The following NRF1 variants were observed in gnomAD, a reference collection of about 807,000 sequenced individuals.
The protein encoded by NRF1 is nuclear respiratory factor 1.
Under a neutral mutation model 58.5 loss-of-function variants are expected in NRF1, and 5 were observed. The observed-to-expected ratio is 0.09, with a 90% CI of 0.04 to 0.18. The LOEUF (loss-of-function observed/expected upper bound fraction) is 0.18. NRF1 is among the 10% of genes least tolerant of loss of function. NRF1 has a pLI of 1.00. For missense variants in NRF1, 288 were observed against 657.7 expected (o/e 0.44, Z 6.15); for synonymous variants, 224 against 246.7 (o/e 0.91, Z 0.86).
intron 5 of NRF1, among the ~76,000 whole-genome samples, chr7:129,704,049 A>AC (rs1296873835): frequency 3.5e-5 from 4 of 114,922 alleles, no homozygotes; most frequent in East Asian, 2.5e-4. Flanking sequence ...ACATCCCCCC[A>AC]CCCCCCGTTT....
Position 129,677,398 on chromosome 7 carries a change from C to A in NRF1, c.339-234C>A, listed in dbSNP as rs573523204. ...AATGATACCATGTTCAAAATTGTGT[C>A]ATGGCTATGTCCCAAAGCAAAACCT... On this transcript the variant is annotated intron_variant, in intron 3 of 10. Coordinates refer to ENST00000393232, the MANE Select transcript of NRF1 (RefSeq NM_005011.5). 1.7e-4 allele frequency among the ~76,000 whole-genome samples: 26 copies of A among 152,274 alleles called. No homozygotes were observed. The East Asian group carries it at 3.5e-3, about 20-fold the overall frequency.
At chr7:129,692,845 T>C (rs1802602957) in intron 5 of NRF1, among the ~76,000 whole-genome samples, 1 of 152,210 alleles carries the variant, frequency 6.6e-6, no homozygotes, top group Admixed American at 6.5e-5. Context: ...CCCAGATGAT[T>C]GCATGATGGA....
chr7:129,643,727 C>G (rs1184547898), intron 1 of NRF1, among the ~76,000 whole-genome samples: 1 of 152,204 alleles, frequency 6.6e-6, no homozygotes, highest in African/African-American at 2.4e-5. Context: ...CACTAGGCAC[C>G]TACTTCATTC....
At chr7:129,692,616 A>G (rs1261814871) in intron 5 of NRF1, among the ~76,000 whole-genome samples, 2 of 152,190 alleles carry the variant, frequency 1.3e-5, no homozygotes, top group East Asian at 1.9e-4. Context: ...AATTCAGGCC[A>G]TATCACTTCC....
intron 1 of NRF1, among the ~76,000 whole-genome samples, chr7:129,647,469 C>A (rs1801436091): frequency 6.8e-6 from 1 of 146,738 alleles, no homozygotes; most frequent in Non-Finnish European, 1.5e-5. Flanking sequence ...GTGGTGCGAT[C>A]TTTGCTCACT....
At chr7:129,747,727 T>A (rs1804013382) in intron 10 of NRF1, among the ~76,000 whole-genome samples, 1 of 152,146 alleles carries the variant, frequency 6.6e-6, no homozygotes. Flanking sequence ...TGGGAAGCCT[T>A]TAATGGAAAT....
chr7:129,708,300 G>T (rs1802997617), intron 5 of NRF1, among the ~76,000 whole-genome samples: 1 of 152,202 alleles, frequency 6.6e-6, no homozygotes, highest in Admixed American at 6.5e-5. Flanking sequence ...ACAGAGTGTG[G>T]TTACTATGCC....
intron 1 of NRF1, among the ~76,000 whole-genome samples, chr7:129,612,350 G>C (rs1415566286): frequency 6.6e-6 from 1 of 152,040 alleles, no homozygotes. Context: ...GGGAGCCGCT[G>C]TCTCCTGCGG....
chr7:129,675,052 G>GT (rs1220903087), intron 3 of NRF1, among the ~76,000 whole-genome samples: 1 of 152,136 alleles, frequency 6.6e-6, no homozygotes, highest in African/African-American at 2.4e-5. Flanking sequence ...TTCAGTTTGT[G>GT]TAATATTCTA....
intron 6 of NRF1, among the ~76,000 whole-genome samples, chr7:129,709,620 A>T (rs1358510002): frequency 6.6e-6 from 1 of 152,184 alleles, no homozygotes; most frequent in Admixed American, 6.5e-5. Context: ...AGGGATATGA[A>T]GTCTGCCAGC....
chr7:129,740,798 G>C (rs1053960581), intron 10 of NRF1, among the ~76,000 whole-genome samples: 1 of 152,140 alleles, frequency 6.6e-6, no homozygotes. Context: ...GTGGCCTCGG[G>C]CATTCATCGT....
intron 9 of NRF1, among the ~76,000 whole-genome samples, chr7:129,720,494 G>A (rs931275097): frequency 1.3e-5 from 2 of 152,192 alleles, no homozygotes; most frequent in Non-Finnish European, 2.9e-5. Flanking sequence ...TGATGACAAA[G>A]CAGTTTCATA....
chr7:129,655,550 G>A (rs558008410), intron 1 of NRF1, among the ~76,000 whole-genome samples: 18 of 150,264 alleles, frequency 1.2e-4, no homozygotes, highest in East Asian at 3.9e-4. Context: ...GAGTCCCGCC[G>A]TTGCTGTGTC....
intron 4 of NRF1, among the ~76,000 whole-genome samples, chr7:129,683,270 A>C (rs1309857412): frequency 6.6e-6 from 1 of 150,536 alleles, no homozygotes; most frequent in East Asian, 2.0e-4. Flanking sequence ...ACAAGAAAAA[A>C]ATTTCAATCA....
chr7:129,738,409 T>G (rs1803771828), intron 10 of NRF1, among the ~76,000 whole-genome samples: 1 of 152,204 alleles, frequency 6.6e-6, no homozygotes, highest in Non-Finnish European at 1.5e-5. Context: ...TGTCTCTTAG[T>G]GTCTTCCACA....
rs113398004 is a variant in NRF1, at chr7:129,708,887, T to C, written c.607-188T>C. Among the ~76,000 whole-genome samples the C allele has an allele frequency of 9.6e-3, 1,467 of 152,322 alleles. 16 individuals carry two copies. The highest frequency in any genetic ancestry group is 0.015 in the Non-Finnish European group (1,054 of 68,032). ...CTAAGGTGCACTTTATCAACATATT[T>C]ATAATTCTCAACCACCCATGGAGAT... On this transcript the variant is annotated intron_variant, in intron 5 of 10. Coordinates refer to ENST00000393232, the MANE Select transcript of NRF1 (RefSeq NM_005011.5).
At chr7:129,638,141 A>T (rs1291874642) in intron 1 of NRF1, among the ~76,000 whole-genome samples, 2 of 147,236 alleles carry the variant, frequency 1.4e-5, no homozygotes, top group East Asian at 4.0e-4. Context: ...GGGGGTTGTG[A>T]TATGTGGTGT....
chr7:129,618,788 G>C (rs1800707358), intron 1 of NRF1, among the ~76,000 whole-genome samples: 1 of 152,140 alleles, frequency 6.6e-6, no homozygotes, highest in African/African-American at 2.4e-5. Context: ...ACTTTGTAAT[G>C]TTGGTATGCA....
chr7:129,709,032 G>C (rs1803012405), intron 5 of NRF1, 43 bp from the exon 6 acceptor site: 1 of 1,389,028 alleles, frequency 7.2e-7, no homozygotes, highest in Non-Finnish European at 9.5e-7. Context: ...ACACACCCCA[G>C]ATGTCTTTCA....
Sources: allele counts gnomAD v4.1 joint callset (sites outside exome capture counted in the v4.1 genomes callset), GRCh38; gene constraint gnomAD v4.1.1; transcripts MANE v1.5; gene names NCBI Gene and HGNC (gene_info 2026-07-23, HGNC 2026-07-21).